PRKCB: variants seen among roughly 807,000 people sequenced by gnomAD.
The protein encoded by PRKCB is protein kinase C beta, also known as protein kinase C beta type.
In PRKCB, 13 loss-of-function variants were observed where a neutral mutation model predicts 81.5. The observed-to-expected ratio is 0.16, with a 90% CI of 0.10 to 0.25. The LOEUF (loss-of-function observed/expected upper bound fraction) is 0.25. PRKCB is among the 10% of genes least tolerant of loss of function. The pLI, the probability that PRKCB is intolerant of heterozygous loss-of-function variation, is 1.00. For missense variants in PRKCB, 509 were observed against 875.7 expected, an observed-to-expected ratio of 0.58 and a Z score of 5.29; for synonymous variants, 335 against 321.4, an observed-to-expected ratio of 1.04 and a Z score of -0.45.
chr16:23,875,784 T>C (rs1185062383), intron 2 of PRKCB, among the ~76,000 whole-genome samples: 1 of 110,526 alleles, frequency 9.0e-6, no homozygotes, highest in Non-Finnish European at 1.8e-5. Flanking sequence ...TATATGTGTG[T>C]ATATCACACA....
chr16:23,927,801 T>C (rs1037982424), intron 2 of PRKCB, among the ~76,000 whole-genome samples: 1 of 151,952 alleles, frequency 6.6e-6, no homozygotes, highest in Non-Finnish European at 1.5e-5. Context: ...TTGACAGAGA[T>C]AGAACCATGG....
chr16:24,039,595 T>A (rs953629533), intron 5 of PRKCB, among the ~76,000 whole-genome samples: 44 of 152,202 alleles, frequency 2.9e-4, no homozygotes, highest in African/African-American at 1.1e-3. Context: ...CTGGCTGATA[T>A]AGTCAGTTAC....
At chr16:24,051,238 C>T (rs535209793) in intron 5 of PRKCB, among the ~76,000 whole-genome samples, 3 of 152,308 alleles carry the variant, frequency 2.0e-5, no homozygotes, top group South Asian at 2.1e-4. Context: ...GTGGCAGGAG[C>T]ATTTGCTGCT....
intron 2 of PRKCB, among the ~76,000 whole-genome samples, chr16:23,945,753 A>AAAAAC (rs1355569068): frequency 2.7e-5 from 3 of 111,094 alleles, no homozygotes; most frequent in South Asian, 3.6e-4. Flanking sequence ...AAAAGAAAAC[A>AAAAAC]AAAACAAAAC....
Position 24,215,657 on chromosome 16 carries a change from AG to A in PRKCB, c.*842del, listed in dbSNP as rs1185599395. 1 of 980,610 alleles carries A rather than the reference AG, an allele frequency of 1.0e-6. No individual in the cohort carries two copies. The highest frequency in any genetic ancestry group is 1.2e-6 in the Non-Finnish European group (1 of 825,062). The allele number at this position is 980,610 out of a possible 1,614,324, so 60.7% of individuals were successfully genotyped here. On this transcript the variant is annotated 3_prime_UTR_variant, in exon 17 of 17. Transcript: ENST00000643927. ...TCAAATGCAAAAAAAAGAAAAAAAAAGAAAAAAAAAGGTGACTCACATTGTT... is the reference window on the plus strand; with the variant it reads ...TCAAATGCAAAAAAAAGAAAAAAAAAAAAAAAAAAGGTGACTCACATTGTT...
chr16:24,052,602 T>G (rs2141871262), intron 5 of PRKCB, among the ~76,000 whole-genome samples: 1 of 152,338 alleles, frequency 6.6e-6, no homozygotes, highest in African/African-American at 2.4e-5. Context: ...GGATTCCTCC[T>G]CTTTTTAGAC....
At chr16:23,865,517 ATGTGTG>A (rs1160958906) in intron 2 of PRKCB, among the ~76,000 whole-genome samples, 41 of 6,732 alleles carry the variant, frequency 6.1e-3, no homozygotes, top group Non-Finnish European at 8.3e-3. Context: ...ATATATATAT[ATGTGTG>A]TGTGTGTGTG....
In PRKCB at chr16:24,219,368, C is replaced by G; in HGVS notation, c.*4552C>G. The G allele has an allele frequency of 1.0e-6, 1 of 985,224 alleles. No homozygotes were observed. Among genetic ancestry groups the G allele is most frequent in the Non-Finnish European group, 1.2e-6 (1 of 830,028 alleles). 61.0% of individuals were successfully genotyped at this position (985,224 alleles called of 1,614,324 possible). ...AAAATGTCTTTGGAGAGAACTTCTG[C>G]CTGATAAACACCCAATTCTAGACTG... On this transcript the variant is annotated 3_prime_UTR_variant, in exon 17 of 17. Transcript: ENST00000643927.
At chr16:23,967,663 C>CT (rs1567328918) in intron 2 of PRKCB, among the ~76,000 whole-genome samples, 1 of 149,858 alleles carries the variant, frequency 6.7e-6, no homozygotes, top group Middle Eastern at 3.4e-3. Context: ...TTTTGTTTTT[C>CT]TTTTTTTGAG....
chr16:23,912,565 T>C (rs1232170835), intron 2 of PRKCB, among the ~76,000 whole-genome samples: 1 of 122,652 alleles, frequency 8.2e-6, no homozygotes, highest in African/African-American at 3.1e-5. Flanking sequence ...CAGGCTGGAG[T>C]GCAGTGGCGT....
chr16:24,127,299 C>A (rs1966846233), intron 9 of PRKCB, among the ~76,000 whole-genome samples: 1 of 152,110 alleles, frequency 6.6e-6, no homozygotes, highest in Non-Finnish European at 1.5e-5. Flanking sequence ...AGCCACCACG[C>A]CCGGCCATGA....
chr16:24,042,709 T>C (rs1965717250), intron 5 of PRKCB, among the ~76,000 whole-genome samples: 1 of 151,556 alleles, frequency 6.6e-6, no homozygotes, highest in Non-Finnish European at 1.5e-5. Context: ...TTTTAACTTT[T>C]GAGGTGAAAT....
At chr16:23,859,734 G>A (rs1210583300) in intron 2 of PRKCB, among the ~76,000 whole-genome samples, 2 of 152,078 alleles carry the variant, frequency 1.3e-5, no homozygotes, top group East Asian at 3.9e-4. Flanking sequence ...AGTACCCGGG[G>A]ATGTTTAGCT....
intron 9 of PRKCB, among the ~76,000 whole-genome samples, chr16:24,141,267 T>G (rs2141943620): frequency 6.6e-6 from 1 of 152,160 alleles, no homozygotes; most frequent in Middle Eastern, 3.4e-3. Context: ...AGATCTCGGG[T>G]CACTGCAACG....
chr16:24,060,570 C>T (rs564056394), intron 5 of PRKCB, among the ~76,000 whole-genome samples: 8 of 152,324 alleles, frequency 5.3e-5, no homozygotes, highest in Non-Finnish European at 7.3e-5. Context: ...CCCCAAGCCA[C>T]GCAGAGTATT....
chr16:24,194,407 T>G (rs1967849330), intron 16 of PRKCB, among the ~76,000 whole-genome samples: 2 of 152,138 alleles, frequency 1.3e-5, no homozygotes, highest in African/African-American at 4.8e-5. Context: ...AACAAATTTT[T>G]GAAAATTAAA....
chr16:24,065,448 C>T (rs543010651), intron 5 of PRKCB, among the ~76,000 whole-genome samples: 25 of 152,078 alleles, frequency 1.6e-4, no homozygotes, highest in Non-Finnish European at 2.9e-4. Context: ...ACTTTTATTA[C>T]GTTCCAAATG....
At chr16:24,167,752 G>T (rs938247167) in intron 10 of PRKCB, among the ~76,000 whole-genome samples, 21 of 152,140 alleles carry the variant, frequency 1.4e-4, no homozygotes, top group African/African-American at 4.3e-4. Context: ...ACCCACTGGA[G>T]GCAGCATCAT....
At chr16:24,029,192 T>C (rs1965520664) in intron 3 of PRKCB, among the ~76,000 whole-genome samples, 1 of 152,234 alleles carries the variant, frequency 6.6e-6, no homozygotes, top group Non-Finnish European at 1.5e-5. Flanking sequence ...GTTTTAGTTT[T>C]CAAACATTTT....
Sources: gnomAD v4.1 joint callset for allele counts (sites outside exome capture counted in the v4.1 genomes callset) on GRCh38, gnomAD v4.1.1 for gene constraint, MANE v1.5 for transcripts, NCBI Gene and HGNC (gene_info 2026-07-23, HGNC 2026-07-21) for gene names.